CFAP61: variants seen among roughly 807,000 people sequenced by gnomAD.
CFAP61 encodes the protein cilia- and flagella-associated protein 61.
In CFAP61, 107 loss-of-function variants were observed where a neutral mutation model predicts 135.6. The ratio of observed to expected loss-of-function variants is 0.79; its 90% CI spans 0.67 to 0.93. The LOEUF is 0.93. Among genes scored for constraint, CFAP61 ranks in the 40% least tolerant of loss-of-function variants. The probability of loss-of-function intolerance (pLI) is 0.00; values close to 1 mark genes in which losing one functional copy is unlikely to be tolerated. For synonymous variants in CFAP61, 575 were observed against 578.5 expected, an observed-to-expected ratio of 0.99 and a Z score of 0.09; for missense variants, 1,507 against 1,556.2, an observed-to-expected ratio of 0.97 and a Z score of 0.53.
chr20:20,287,051 G>T (rs997261252), intron 22 of CFAP61, among the ~76,000 whole-genome samples: 4 of 152,066 alleles, frequency 2.6e-5, no homozygotes, highest in Non-Finnish European at 4.4e-5. Context: ...TATCTGGGTA[G>T]GAAATCTATT....
intron 8 of CFAP61, among the ~76,000 whole-genome samples, chr20:20,115,716 C>T (rs1388854938): frequency 6.6e-6 from 1 of 152,174 alleles, no homozygotes; most frequent in Non-Finnish European, 1.5e-5. Flanking sequence ...TAGCTTATTT[C>T]ACTTAGCATA....
At chr20:20,222,941 G>A (rs1225767305) in intron 17 of CFAP61, among the ~76,000 whole-genome samples, 4 of 152,150 alleles carry the variant, frequency 2.6e-5, no homozygotes, top group African/African-American at 9.7e-5. Context: ...AGCAAAAGTA[G>A]GCTTATTACG....
intron 9 of CFAP61, among the ~76,000 whole-genome samples, chr20:20,145,243 CAA>C (rs529724102): frequency 6.5e-4 from 99 of 152,210 alleles, no homozygotes; most frequent in Non-Finnish European, 1.2e-3. Context: ...AAGAATAGCA[CAA>C]AGAGCTTGAG....
At chr20:20,280,748 C>A (rs2147049354) in intron 22 of CFAP61, among the ~76,000 whole-genome samples, 1 of 152,290 alleles carries the variant, frequency 6.6e-6, no homozygotes, top group East Asian at 1.9e-4. Flanking sequence ...TAGAGATTGT[C>A]TAAGTCATAT....
At chr20:20,172,841 A>G (rs916767002) in intron 13 of CFAP61, among the ~76,000 whole-genome samples, 1 of 152,200 alleles carries the variant, frequency 6.6e-6, no homozygotes, top group Non-Finnish European at 1.5e-5. Context: ...GGTGTTGTAC[A>G]TCCTATGGCT....
intron 17 of CFAP61, among the ~76,000 whole-genome samples, chr20:20,222,420 G>T (rs1035579779): frequency 6.6e-6 from 1 of 152,112 alleles, no homozygotes; most frequent in African/African-American, 2.4e-5. Context: ...TCTATCCAGT[G>T]TTAAGAAAAA....
chr20:20,064,828 A>G (rs775823219), intron 2 of CFAP61, among the ~76,000 whole-genome samples: 1 of 152,174 alleles, frequency 6.6e-6, no homozygotes, highest in Non-Finnish European at 1.5e-5. Flanking sequence ...TCCTAACAAG[A>G]TTATTTGTCA....
In CFAP61 at chr20:20,343,526, G is replaced by C. The variant is rs980626303; in HGVS notation, c.3513+1605G>C. Among the ~76,000 whole-genome samples, 6 of 152,192 alleles carry C rather than the reference G, an allele frequency of 3.9e-5. No individual in the cohort carries two copies. The East Asian group carries it at 1.2e-3, about 29-fold the overall frequency. On this transcript the variant is annotated intron_variant, in intron 26 of 26. Coordinates refer to ENST00000245957, the MANE Select transcript of CFAP61 (RefSeq NM_015585.4). ...ATGGAATCCACTAAAGATGCTGCAG[G>C]CCAAACAGAGCCCTACACTTAACCC...
At chr20:20,285,707 C>T (rs1055797966) in intron 22 of CFAP61, among the ~76,000 whole-genome samples, 1 of 151,952 alleles carries the variant, frequency 6.6e-6, no homozygotes, top group Admixed American at 6.6e-5. Context: ...GGCTTGAGCT[C>T]AGGAATTCAA....
Position 20,056,619 on chromosome 20 carries a change from G to A in CFAP61, c.-35G>A, listed in dbSNP as rs576274433. 11 of 1,607,298 alleles carry A rather than the reference G, an allele frequency of 6.8e-6. No individual in the cohort carries two copies. The highest frequency in any genetic ancestry group is 1.3e-5 in the African/African-American group (1 of 74,420). On this transcript the variant is annotated splice_region_variant and 5_prime_UTR_variant, in exon 2 of 27. Transcript: ENST00000245957. ...TGGCTTATCATATCAGATTAATAGT[G>A]GACTTTTTTCTCTCTTTTGGGGACA...
intron 3 of CFAP61, 83 bp from the exon 4 acceptor site, chr20:20,074,219 C>A: frequency 9.5e-7 from 1 of 1,057,536 alleles, no homozygotes; most frequent in Non-Finnish European, 1.5e-6. Flanking sequence ...TCTGTGGATG[C>A]CCCGAAACCC....
At chr20:20,325,316 A>G (rs2057702318) in intron 25 of CFAP61, among the ~76,000 whole-genome samples, 1 of 152,220 alleles carries the variant, frequency 6.6e-6, no homozygotes, top group Admixed American at 6.5e-5. Context: ...GTATACTGAC[A>G]TGTACCCACC....
chr20:20,277,494 G>T, intron 22 of CFAP61, 36 bp downstream of exon 22: 1 of 1,558,756 alleles, frequency 6.4e-7, no homozygotes, highest in Non-Finnish European at 8.7e-7. Context: ...TCACCAGCCA[G>T]GGACAGAGGA....
intron 10 of CFAP61, 52 bp downstream of exon 10, chr20:20,159,496 A>G (rs1347338583): frequency 6.9e-7 from 1 of 1,444,724 alleles, no homozygotes; most frequent in Non-Finnish European, 9.7e-7. Flanking sequence ...CATGGGTTTC[A>G]CACCTTTCTA....
intron 1 of CFAP61, among the ~76,000 whole-genome samples, chr20:20,053,474 G>C (rs776403792): frequency 1.3e-5 from 2 of 152,132 alleles, no homozygotes. Flanking sequence ...TTCACTCTTG[G>C]TGTACATTCT....
intron 13 of CFAP61, among the ~76,000 whole-genome samples, chr20:20,184,330 A>G (rs1569086344): frequency 6.6e-6 from 1 of 152,222 alleles, no homozygotes; most frequent in African/African-American, 2.4e-5. Context: ...TTGAGCATCT[A>G]CCATGTGCCA....
intron 25 of CFAP61, among the ~76,000 whole-genome samples, chr20:20,336,547 C>T (rs907293038): frequency 6.6e-6 from 1 of 151,908 alleles, no homozygotes; most frequent in Non-Finnish European, 1.5e-5. Context: ...ATCACTTAAG[C>T]CCAGGAGTTT....
intron 26 of CFAP61, among the ~76,000 whole-genome samples, chr20:20,344,827 A>G (rs945367344): frequency 1.3e-5 from 2 of 152,192 alleles, no homozygotes; most frequent in African/African-American, 4.8e-5. Context: ...ACTACTCACA[A>G]TAGCCGAGAT....
chr20:20,069,022 C>A (rs762739670), intron 2 of CFAP61, among the ~76,000 whole-genome samples: 5 of 152,188 alleles, frequency 3.3e-5, no homozygotes, highest in African/African-American at 1.2e-4. Context: ...GGATTACAGG[C>A]GTGAGCCACC....
Sources: gnomAD v4.1 joint callset for allele counts (sites outside exome capture counted in the v4.1 genomes callset) on GRCh38, gnomAD v4.1.1 for gene constraint, MANE v1.5 for transcripts, NCBI Gene and HGNC (gene_info 2026-07-23, HGNC 2026-07-21) for gene names.